The following SDK1 variants were observed in gnomAD, a reference collection of about 807,000 sequenced individuals.
The protein encoded by SDK1 is protein sidekick-1.
SDK1 carries 157 observed loss-of-function variants against 245.5 expected under a neutral mutation model. The observed-to-expected ratio is 0.64, with a 90% CI of 0.56 to 0.73. The LOEUF is 0.73. SDK1 is among the 30% of genes least tolerant of loss of function. The probability of loss-of-function intolerance (pLI) is 0.00; values close to 1 mark genes in which losing one functional copy is unlikely to be tolerated. For missense variants in SDK1, 3,583 were observed against 3,002.3 expected (o/e 1.19, Z -4.52); for synonymous variants, 1,647 against 1,278.5 (o/e 1.29, Z -6.15).
intron 32 of SDK1, among the ~76,000 whole-genome samples, chr7:4,170,314 G>A (rs778301207): frequency 2.0e-5 from 3 of 152,112 alleles, no homozygotes; most frequent in African/African-American, 4.8e-5. Flanking sequence ...TGGTGTGGTG[G>A]TGCAGGTCTG....
intron 30 of SDK1, among the ~76,000 whole-genome samples, chr7:4,153,422 C>T (rs1404811362): frequency 6.6e-6 from 1 of 152,014 alleles, no homozygotes; most frequent in African/African-American, 2.4e-5. Flanking sequence ...CCTGTCTCTA[C>T]TAAAAATACA....
chr7:4,233,492 G>A, intron 41 of SDK1, 73 bp downstream of exon 41: 17 of 1,455,968 alleles, frequency 1.2e-5, no homozygotes, highest in Non-Finnish European at 1.4e-5. Flanking sequence ...GGGACCCAGG[G>A]AGGTCTGTCT....
chr7:4,233,547 G>A, intron 41 of SDK1, 128 bp downstream of exon 41: 1 of 886,026 alleles, frequency 1.1e-6, no homozygotes, highest in Non-Finnish European at 1.7e-6. Context: ...GGGGGACCCA[G>A]GGAGGTCTGT....
intron 40 of SDK1, among the ~76,000 whole-genome samples, chr7:4,227,738 T>C (rs938439222): frequency 4.6e-5 from 7 of 152,204 alleles, no homozygotes; most frequent in African/African-American, 1.7e-4. Context: ...AGCACGCAGC[T>C]CCGTTCTGGG....
At chr7:3,927,709 T>C (rs1261087367) in intron 5 of SDK1, among the ~76,000 whole-genome samples, 4 of 152,258 alleles carry the variant, frequency 2.6e-5, no homozygotes, top group African/African-American at 4.8e-5. Context: ...GAACATACTT[T>C]GGCCACTTTG....
At chr7:3,415,276 T>C (rs1468050947) in intron 1 of SDK1, among the ~76,000 whole-genome samples, 2 of 152,146 alleles carry the variant, frequency 1.3e-5, no homozygotes, top group African/African-American at 4.8e-5. Context: ...TTGGTTAAAA[T>C]AGGGCAGACC....
intron 5 of SDK1, among the ~76,000 whole-genome samples, chr7:3,833,760 C>T (rs1209110611): frequency 6.6e-6 from 1 of 152,180 alleles, no homozygotes; most frequent in African/African-American, 2.4e-5. Flanking sequence ...AGGCAGTATT[C>T]TGAGTCTTTT....
intron 4 of SDK1, among the ~76,000 whole-genome samples, chr7:3,659,337 C>A (rs780143499): frequency 1.3e-5 from 2 of 151,844 alleles, no homozygotes; most frequent in Non-Finnish European, 2.9e-5. Flanking sequence ...ATAAACTGAC[C>A]AAAAAATGGG....
At chr7:3,705,392 T>G (rs1304194472) in intron 4 of SDK1, among the ~76,000 whole-genome samples, 1 of 151,680 alleles carries the variant, frequency 6.6e-6, no homozygotes, top group Non-Finnish European at 1.5e-5. Context: ...TCTGAAGAGA[T>G]TTTTCACCTG....
chr7:3,344,089 A>G (rs1583712314), intron 1 of SDK1, among the ~76,000 whole-genome samples: 1 of 152,190 alleles, frequency 6.6e-6, no homozygotes, highest in Admixed American at 6.5e-5. Context: ...ACAAAGCAAT[A>G]AAAGGAATAT....
At chr7:3,511,743 A>T (rs1051859335) in intron 1 of SDK1, among the ~76,000 whole-genome samples, 3 of 151,944 alleles carry the variant, frequency 2.0e-5, no homozygotes. Context: ...AAATAAGCAT[A>T]CAAAATCAAC....
chr7:3,864,006 A>T (rs556683537), intron 5 of SDK1, among the ~76,000 whole-genome samples: 3 of 152,230 alleles, frequency 2.0e-5, no homozygotes, highest in Non-Finnish European at 4.4e-5. Flanking sequence ...GGGACACATC[A>T]TACTGTTTTC....
intron 13 of SDK1, among the ~76,000 whole-genome samples, chr7:3,983,370 C>T (rs1370080914): frequency 6.6e-6 from 1 of 152,168 alleles, no homozygotes; most frequent in African/African-American, 2.4e-5. Flanking sequence ...CACAGTCCCC[C>T]CAGCCTATAG....
intron 22 of SDK1, among the ~76,000 whole-genome samples, chr7:4,084,329 G>C (rs1202165513): frequency 6.6e-6 from 1 of 152,178 alleles, no homozygotes; most frequent in African/African-American, 2.4e-5. Flanking sequence ...CCTGTTCAGT[G>C]GGTTTCAGTC....
intron 1 of SDK1, among the ~76,000 whole-genome samples, chr7:3,303,088 T>C (rs1257659698): frequency 6.6e-6 from 1 of 152,198 alleles, no homozygotes; most frequent in African/African-American, 2.4e-5. Flanking sequence ...TCATAAATGC[T>C]CCCTCTTATG....
intron 1 of SDK1, among the ~76,000 whole-genome samples, chr7:3,463,993 T>C (rs1274433861): frequency 6.6e-6 from 1 of 152,200 alleles, no homozygotes; most frequent in Non-Finnish European, 1.5e-5. Context: ...AGATGTCAAA[T>C]GTTTCTCTTA....
At chr7:4,227,423 G>C (rs1358131515) in intron 40 of SDK1, 2 of 471,102 alleles carry the variant, frequency 4.2e-6, no homozygotes, top group Non-Finnish European at 8.8e-6. Flanking sequence ...TCCGATGGAA[G>C]GTAACTGTCT....
chr7:3,825,684 C>T (rs536320388), intron 5 of SDK1, among the ~76,000 whole-genome samples: 17 of 152,260 alleles, frequency 1.1e-4, no homozygotes, highest in East Asian at 3.9e-4. Context: ...TGCAGACTCA[C>T]GTAGGGTTAG....
At chr7:3,869,105 A>C (rs1164289313) in intron 5 of SDK1, among the ~76,000 whole-genome samples, 2 of 151,970 alleles carry the variant, frequency 1.3e-5, no homozygotes, top group African/African-American at 4.8e-5. Context: ...TCCCCCAAAA[A>C]AGAGGAAACT....
Sources: allele counts gnomAD v4.1 joint callset (sites outside exome capture counted in the v4.1 genomes callset), GRCh38; gene constraint gnomAD v4.1.1; transcripts MANE v1.5; gene names NCBI Gene and HGNC (gene_info 2026-07-23, HGNC 2026-07-21).